Variants in H2AZ2 observed in about 807,000 individuals in gnomAD.
The protein encoded by H2AZ2 is histone H2A.V.
A neutral mutation model predicts 15.5 loss-of-function variants in H2AZ2; 5 were observed. The ratio of observed to expected loss-of-function variants is 0.32; its 90% CI spans 0.17 to 0.68. The LOEUF (loss-of-function observed/expected upper bound fraction) is 0.68, where lower values mean the gene tolerates loss of function less well. Among genes scored for constraint, H2AZ2 ranks in the 30% least tolerant of loss-of-function variants. H2AZ2 has a pLI of 0.72. For missense variants in H2AZ2, 42 were observed against 162.5 expected (o/e 0.26, Z 4.03); for synonymous variants, 44 against 57.4 (o/e 0.77, Z 1.05).
At chr7:44,842,559 G>C (rs142634707) in intron 2 of H2AZ2, among the ~76,000 whole-genome samples, 2,030 of 152,052 alleles carry the variant, frequency 0.013, 38 homozygotes, top group African/African-American at 0.047. Context: ...CCTATTTTCT[G>C]CACACACATG....
Position 44,833,695 on chromosome 7 carries a change from G to C in H2AZ2, c.*806C>G. ...CAAAAGGAGAAACCTTTGATAAACTGAACATCAATTCCAGGTAAAACTAGG... is the reference window on the plus strand; with the variant it reads ...CAAAAGGAGAAACCTTTGATAAACTCAACATCAATTCCAGGTAAAACTAGG... On this transcript the variant is annotated 3_prime_UTR_variant, in exon 5 of 5. Transcript: ENST00000308153. 2 of 985,298 alleles carry C rather than the reference G, an allele frequency of 2.0e-6. No homozygotes were observed. The highest frequency in any genetic ancestry group is 2.4e-6 in the Non-Finnish European group (2 of 829,814). 61.0% of individuals were successfully genotyped at this position (985,298 alleles called of 1,614,324 possible). A position where few individuals can be genotyped will look rare whatever the true frequency, so the allele number is the denominator to read the frequency against.
chr7:44,834,035 A>T lies in H2AZ2; in HGVS notation c.*466T>A. 2.3e-6 allele frequency: 1 copy of T among 438,396 alleles called. No homozygotes were observed. The highest frequency in any genetic ancestry group is 3.0e-6 in the Non-Finnish European group (1 of 330,312). The allele number at this position is 438,396 out of a possible 1,614,324, so 27.2% of individuals were successfully genotyped here. ...GATTTAATTGGCAGGTTTTTTCCTT[A>T]GTCGTTTGTAAAAAATGGTGCTACA... On this transcript the variant is annotated 3_prime_UTR_variant, in exon 5 of 5. Transcript: ENST00000308153.
Position 44,834,632 on chromosome 7 carries a change from G to GA in H2AZ2, c.326-71dup, listed in dbSNP as rs1793072542. 9 of 1,356,108 alleles carry GA rather than the reference G, an allele frequency of 6.6e-6. No homozygotes were observed. In the East Asian group the frequency reaches 1.5e-4, roughly 22 times the overall value. The allele number at this position is 1,356,108 out of a possible 1,614,324, so 84.0% of individuals were successfully genotyped here. ...TGCCTCAAGTAAAAAGTTAATTATA[G>GA]AAAAAATGAAATTTACTTAAGTCCC... On this transcript the variant is annotated intron_variant, in intron 4 of 4. Coordinates refer to ENST00000308153, the MANE Select transcript of H2AZ2 (RefSeq NM_012412.5).
intron 1 of H2AZ2, among the ~76,000 whole-genome samples, chr7:44,845,066 T>C (rs1793364208): frequency 6.6e-6 from 1 of 152,128 alleles, no homozygotes; most frequent in Non-Finnish European, 1.5e-5. Context: ...AAATAGATGG[T>C]AAGCTTTGAA....
chr7:44,843,241 G>C (rs1300546140), intron 2 of H2AZ2, 36 bp downstream of exon 2: 1 of 1,262,422 alleles, frequency 7.9e-7, no homozygotes, highest in Non-Finnish European at 1.1e-6. Context: ...CAACAGTAAA[G>C]AAAATAATAA....
rs565521906 is a variant in H2AZ2, at chr7:44,832,979, GATAAATAA to G, written c.*1514_*1521del. 1.5e-3 allele frequency among the ~76,000 whole-genome samples: 230 copies of G among 152,056 alleles called. No individual in the cohort carries two copies. The highest frequency in any genetic ancestry group is 5.3e-3 in the African/African-American group (222 of 41,510). ...CAAACAAAAAAGTTTCTTAGAAACT[GATAAATAA>G]ATATAATTTTTAAAAGATTGTACAA... On this transcript the variant is annotated 3_prime_UTR_variant, in exon 5 of 5. Coordinates refer to ENST00000308153, the MANE Select transcript of H2AZ2 (RefSeq NM_012412.5).
chr7:44,838,740 T>A (rs1355079667), intron 3 of H2AZ2, among the ~76,000 whole-genome samples: 2 of 152,126 alleles, frequency 1.3e-5, no homozygotes, highest in African/African-American at 4.8e-5. Flanking sequence ...CATCCATAAT[T>A]CGATGTTAAA....
intron 3 of H2AZ2, 135 bp downstream of exon 3, chr7:44,840,764 C>G: frequency 1.7e-6 from 1 of 605,748 alleles, no homozygotes; most frequent in Non-Finnish European, 2.9e-6. Context: ...GAGTGAAACT[C>G]TGTCTCCAAA....
At chr7:44,836,090 T>A (rs1022109261) in intron 3 of H2AZ2, among the ~76,000 whole-genome samples, 8 of 151,470 alleles carry the variant, frequency 5.3e-5, no homozygotes, top group Admixed American at 2.0e-4. Context: ...CGTCCTGAGC[T>A]GCTGTGACCA....
At chr7:44,841,056 C>T (rs771457854) in intron 2 of H2AZ2, 44 bp from the exon 3 acceptor site, 2 of 1,368,442 alleles carry the variant, frequency 1.5e-6, no homozygotes, top group Non-Finnish European at 2.1e-6. Context: ...AGAGTCTTAA[C>T]ATTGCACTGA....
rs55941046 is a variant in H2AZ2, at chr7:44,843,137, CAAAAAAAAAAAAAAAAAAAAAAAAAAAAA to C, written c.81+111_81+139del. On this transcript the variant is annotated intron_variant, in intron 2 of 4. Transcript: ENST00000308153. ...CTGACGACAGAGTGAGACTCTGTCT[CAAAAAAAAAAAAAAAAAAAAAAAAAAAAA>C]AAAAAAAAAGTCTGTAGTAATACAA... 7.0e-5 allele frequency: 6 copies of C among 86,186 alleles called. 1 individual carries two copies. In the South Asian group the frequency reaches 7.3e-4, roughly 10 times the overall value. The allele number at this position is 86,186 out of a possible 1,614,324, so 5.3% of individuals were successfully genotyped here.
chr7:44,827,563 C>G (rs978303845), downstream of H2AZ2: 1 of 152,204 alleles, frequency 6.6e-6, no homozygotes, highest in African/African-American at 2.4e-5. Context: ...GTTAGCTGTA[C>G]AGTGGCTGTA....
intron 3 of H2AZ2, among the ~76,000 whole-genome samples, chr7:44,838,308 TA>T (rs896831068): frequency 6.6e-6 from 1 of 151,918 alleles, no homozygotes; most frequent in African/African-American, 2.4e-5. Context: ...AGAAAAGTTT[TA>T]AAATGTATTT....
At chr7:44,830,290 G>C, downstream of H2AZ2, 1 of 868,262 alleles carries the variant, frequency 1.2e-6, no homozygotes, top group Non-Finnish European at 1.7e-6. Flanking sequence ...TAGGTGGTGA[G>C]TATAAGAATT....
At chr7:44,837,254 G>A (rs1429149074) in intron 3 of H2AZ2, among the ~76,000 whole-genome samples, 1 of 150,874 alleles carries the variant, frequency 6.6e-6, no homozygotes, top group Non-Finnish European at 1.5e-5. Context: ...ATCAACTGCT[G>A]AACTTTAAAA....
At position 44,847,157 on chromosome 7, in the gene H2AZ2, AAC is replaced by A. The variant is rs757331198; in HGVS notation, c.3+810_3+811del. ...AATACCGGCAAAAATAAGATTCCATAACAGTCTTATTATTTTTACACAATCTT... is the reference window on the plus strand; with the variant it reads ...AATACCGGCAAAAATAAGATTCCATAAGTCTTATTATTTTTACACAATCTT... On this transcript the variant is annotated intron_variant, in intron 1 of 4. Transcript: ENST00000308153. Among the ~76,000 whole-genome samples the A allele has an allele frequency of 1.4e-4, 22 of 152,314 alleles. 1 individual carries two copies. In the South Asian group the frequency reaches 1.7e-3, roughly 11 times the overall value.
At chr7:44,843,704 G>A (rs1308479133) in intron 1 of H2AZ2, among the ~76,000 whole-genome samples, 4 of 151,986 alleles carry the variant, frequency 2.6e-5, no homozygotes, top group Admixed American at 6.6e-5. Context: ...GATTACAGGC[G>A]CACACCACCA....
downstream of H2AZ2, chr7:44,828,772 A>G (rs1429686413): frequency 1.3e-5 from 2 of 152,212 alleles, no homozygotes; most frequent in Non-Finnish European, 2.9e-5. Flanking sequence ...CAGCAAATTT[A>G]TATGCTCAGG....
In H2AZ2 at chr7:44,833,603, G is replaced by C. The variant is rs1187941762; in HGVS notation, c.*898C>G. 1.3e-6 allele frequency: 1 copy of C among 761,808 alleles called. No homozygotes were observed. The highest frequency in any genetic ancestry group is 1.6e-6 in the Non-Finnish European group (1 of 625,660). The allele number at this position is 761,808 out of a possible 1,614,324, so 47.2% of individuals were successfully genotyped here. On this transcript the variant is annotated 3_prime_UTR_variant, in exon 5 of 5. Transcript: ENST00000308153. ...TGACCTCAAGTGTTCCACCAGCCTC[G>C]GTCTCCCGAAGTGTTGGGATTACAG...
Sources: allele counts gnomAD v4.1 joint callset (sites outside exome capture counted in the v4.1 genomes callset), GRCh38; gene constraint gnomAD v4.1.1; transcripts MANE v1.5; gene names NCBI Gene and HGNC (gene_info 2026-07-23, HGNC 2026-07-21).